NBEAL1: variants seen among roughly 807,000 people sequenced by gnomAD.
NBEAL1 encodes the protein neurobeachin-like protein 1.
In NBEAL1, 273 loss-of-function variants were observed where a neutral mutation model predicts 351.3. That is an observed-to-expected ratio of 0.78 (90% CI 0.70 to 0.86). The LOEUF (loss-of-function observed/expected upper bound fraction) is 0.86, where lower values mean the gene tolerates loss of function less well. NBEAL1 is among the 40% of genes least tolerant of loss of function. NBEAL1 has a pLI of 0.00. For synonymous variants in NBEAL1, 1,050 were observed against 1,086.4 expected (o/e 0.97, Z 0.66); for missense variants, 2,961 against 3,201.3 (o/e 0.92, Z 1.81).
intron 28 of NBEAL1, 144 bp downstream of exon 28, chr2:203,136,396 G>T: frequency 1.3e-6 from 1 of 799,368 alleles, no homozygotes; most frequent in Non-Finnish European, 1.9e-6. Context: ...TAGAAACCTG[G>T]AAGTCACTAG....
At position 203,135,974 on chromosome 2, in the gene NBEAL1, C is replaced by A. The variant is rs553856656; in HGVS notation, c.4111C>A (p.Pro1371Thr). Residue 1371 changes from proline (P) to threonine (T), a missense_variant, in exon 28 of 56, where the codon CCA becomes ACA. Transcript: ENST00000683969. ...EDRHSLDSNTPLFPEDSSVGE... is the reference protein window; with the variant it reads ...EDRHSLDSNTTLFPEDSSVGE... ...TAGACACTCTTTAGACTCAAACACACCATTATTTCCAGAAGATAGCTCTGT... is the reference window on the plus strand; with the variant it reads ...TAGACACTCTTTAGACTCAAACACAACATTATTTCCAGAAGATAGCTCTGT... The A allele has an allele frequency of 8.7e-6, 14 of 1,613,860 alleles. 1 individual carries two copies. The Admixed American group carries it at 2.0e-4, about 23-fold the overall frequency.
chr2:203,077,371 A>G (rs959066382), intron 7 of NBEAL1, among the ~76,000 whole-genome samples: 1 of 152,166 alleles, frequency 6.6e-6, no homozygotes, highest in Non-Finnish European at 1.5e-5. Context: ...CTCCATCTCA[A>G]AGGAAAAAAA....
chr2:203,024,144 T>TG (rs2060814994), intron 2 of NBEAL1, among the ~76,000 whole-genome samples: 1 of 149,408 alleles, frequency 6.7e-6, no homozygotes, highest in Non-Finnish European at 1.5e-5. Context: ...TACAGTGAGC[T>TG]GGGATCATGC....
In NBEAL1 at chr2:203,083,367, T is replaced by C. The variant is rs1384051859; in HGVS notation, c.833T>C (p.Ile278Thr). ...AAGTGCCTTACAGAAGTGGTACATATCCTTCTCAGTAGCAACTCTGATCAG... is the reference window on the plus strand; with the variant it reads ...AAGTGCCTTACAGAAGTGGTACATACCCTTCTCAGTAGCAACTCTGATCAG... ...TLKCLTEVVHILLSSNSDQRQ... is the reference protein window; with the variant it reads ...TLKCLTEVVHTLLSSNSDQRQ... The change falls in exon 9 of 56, where the codon ATC (isoleucine) becomes ACC (threonine). Residue 278 changes from isoleucine (I) to threonine (T), a missense_variant. Transcript: ENST00000683969. 5 of 1,555,092 alleles carry C rather than the reference T, an allele frequency of 3.2e-6. No homozygotes were observed. Among genetic ancestry groups the C allele is most frequent in the Non-Finnish European group, 4.4e-6 (5 of 1,147,956 alleles).
At chr2:203,045,467 G>T (rs1415400989) in intron 3 of NBEAL1, among the ~76,000 whole-genome samples, 1 of 152,162 alleles carries the variant, frequency 6.6e-6, no homozygotes, top group East Asian at 1.9e-4. Flanking sequence ...ATAAGAGAAT[G>T]AAAGAATCCA....
intron 27 of NBEAL1, among the ~76,000 whole-genome samples, chr2:203,134,027 T>C (rs1239930236): frequency 1.3e-5 from 2 of 152,096 alleles, no homozygotes; most frequent in Non-Finnish European, 2.9e-5. Context: ...GTAATACATC[T>C]GTAGGACATA....
intron 46 of NBEAL1, among the ~76,000 whole-genome samples, chr2:203,191,553 A>G (rs915218832): frequency 6.6e-6 from 1 of 152,100 alleles, no homozygotes; most frequent in African/African-American, 2.4e-5. Flanking sequence ...AAAATATATC[A>G]TTTATTAACT....
In NBEAL1 at chr2:203,058,071, T is replaced by C. The variant is rs555671853; in HGVS notation, c.515+618T>C. On this transcript the variant is annotated intron_variant, in intron 6 of 55. Transcript: ENST00000683969. ...GTTGACCAGGATGGTCTCGATCTCC[T>C]GATCTCATGATCTGCCTGCCTCGGC... Among the ~76,000 whole-genome samples the C allele has an allele frequency of 2.0e-5, 3 of 152,304 alleles. No individual in the cohort carries two copies. In the East Asian group the frequency reaches 5.8e-4, roughly 29 times the overall value.
chr2:203,195,831 C>T (rs1239668447), intron 47 of NBEAL1, among the ~76,000 whole-genome samples: 1 of 152,206 alleles, frequency 6.6e-6, no homozygotes, highest in East Asian at 1.9e-4. Context: ...CGCGTACACA[C>T]CCCTCTGACT....
At chr2:203,150,096 G>A (rs1004335957) in intron 34 of NBEAL1, among the ~76,000 whole-genome samples, 3 of 152,018 alleles carry the variant, frequency 2.0e-5, no homozygotes, top group Middle Eastern at 6.3e-3. Context: ...TTACTGGGTC[G>A]TGTGATAATT....
chr2:203,150,861 C>G (rs999383290), intron 34 of NBEAL1, among the ~76,000 whole-genome samples: 3 of 152,204 alleles, frequency 2.0e-5, no homozygotes, highest in African/African-American at 7.2e-5. Context: ...GCTGTCAAGT[C>G]TGAAAGTCCA....
In NBEAL1 at chr2:203,113,033, A is replaced by G; in HGVS notation, c.2221A>G (p.Ile741Val). 1 of 1,488,790 alleles carries G rather than the reference A, an allele frequency of 6.7e-7. No homozygotes were observed. The highest frequency in any genetic ancestry group is 9.0e-7 in the Non-Finnish European group (1 of 1,116,756). 92.2% of individuals were successfully genotyped at this position (1,488,790 alleles called of 1,614,324 possible). A position where few individuals can be genotyped will look rare whatever the true frequency, so the allele number is the denominator to read the frequency against. ...AMNEPFTSCC[I>V]GSAGQRTTTP... ...TTTTTAGCCCTTTACTTCCTGTTGC[A>G]TTGGTTCAGCTGGGCAAAGAACCAC... The change falls in exon 17 of 56, where the codon ATT becomes GTT. Residue 741 changes from isoleucine (I) to valine (V), a missense_variant. Transcript: ENST00000683969.
intron 6 of NBEAL1, among the ~76,000 whole-genome samples, chr2:203,067,024 C>T (rs1315398923): frequency 5.0e-5 from 7 of 140,464 alleles, no homozygotes; most frequent in Admixed American, 3.6e-4. Flanking sequence ...CGGGCAGAGA[C>T]GCCCCTCACC....
chr2:203,051,738 A>G (rs2061326382), intron 4 of NBEAL1, among the ~76,000 whole-genome samples: 1 of 152,158 alleles, frequency 6.6e-6, no homozygotes, highest in South Asian at 2.1e-4. Context: ...ATGCTCAACA[A>G]ATTTTTTGGT....
Position 203,076,402 on chromosome 2 carries a change from G to A in NBEAL1, c.599-1350G>A, listed in dbSNP as rs189411586. Among the ~76,000 whole-genome samples, 421 of 150,398 alleles carry A rather than the reference G, an allele frequency of 2.8e-3. 2 individuals are homozygous for A. Among genetic ancestry groups the A allele is most frequent in the Non-Finnish European group, 4.1e-3 (278 of 67,716 alleles). ...TGGGAGGCCGAGGTGGGAGAATCACGTGAGCCCAGGCAGCCAAGGCTGCAG... is the reference window on the plus strand; with the variant it reads ...TGGGAGGCCGAGGTGGGAGAATCACATGAGCCCAGGCAGCCAAGGCTGCAG... On this transcript the variant is annotated intron_variant, in intron 7 of 55. Coordinates refer to ENST00000683969, the MANE Select transcript of NBEAL1 (RefSeq NM_001378026.1).
At chr2:203,136,450 A>G in intron 28 of NBEAL1, 149 bp from the exon 29 acceptor site, 2 of 737,996 alleles carry the variant, frequency 2.7e-6, no homozygotes, top group Non-Finnish European at 4.2e-6. Context: ...TACTCATCTT[A>G]TGTCTCTAGG....
At chr2:203,176,170 T>TC in intron 42 of NBEAL1, among the ~76,000 whole-genome samples, 1 of 136,626 alleles carries the variant, frequency 7.3e-6, no homozygotes, top group South Asian at 2.4e-4. Flanking sequence ...CTTTATTGCA[T>TC]CTTTTTTTTT....
intron 50 of NBEAL1, 125 bp from the exon 51 acceptor site, chr2:203,202,562 T>A (rs2065430145): frequency 1.5e-6 from 1 of 654,550 alleles, no homozygotes; most frequent in African/African-American, 1.8e-5. Context: ...TCCAGTACCA[T>A]GTCTACATTC....
At chr2:203,107,021 C>G (rs1574977337) in intron 12 of NBEAL1, among the ~76,000 whole-genome samples, 1 of 152,258 alleles carries the variant, frequency 6.6e-6, no homozygotes, top group East Asian at 1.9e-4. Flanking sequence ...TCTTTTTAGG[C>G]TGATATCTGA....
Sources: allele counts gnomAD v4.1 joint callset (sites outside exome capture counted in the v4.1 genomes callset), GRCh38; gene constraint gnomAD v4.1.1; transcripts MANE v1.5; gene names NCBI Gene and HGNC (gene_info 2026-07-23, HGNC 2026-07-21).